Variants in CGNL1 observed in about 807,000 individuals in gnomAD.
CGNL1 encodes cingulin like 1.
A neutral mutation model predicts 141.2 loss-of-function variants in CGNL1; 132 were observed. The observed-to-expected ratio is 0.93, with a 90% CI of 0.81 to 1.08. The LOEUF (loss-of-function observed/expected upper bound fraction) is 1.08. CGNL1 is among the 50% of genes least tolerant of loss of function. The pLI, the probability that CGNL1 is intolerant of heterozygous loss-of-function variation, is 0.00. For missense variants in CGNL1, 1,870 were observed against 1,588.6 expected (o/e 1.18, Z -3.01); for synonymous variants, 690 against 622.1 (o/e 1.11, Z -1.63).
At chr15:57,484,559 T>G (rs2063764076) in intron 8 of CGNL1, among the ~76,000 whole-genome samples, 1 of 152,222 alleles carries the variant, frequency 6.6e-6, no homozygotes, top group African/African-American at 2.4e-5. Flanking sequence ...TTTTTATTTT[T>G]TATTTTACTT....
rs1183887046 is a variant in CGNL1 at position 57,461,814 on chromosome 15, T to TC, written c.2326dup (p.Gln776ProfsTer11). On this transcript the variant is annotated frameshift_variant, in exon 8 of 19. Transcript: ENST00000281282. LOFTEE classifies it high-confidence loss of function. ...TGAAAGAAGAGGTTTCCAGCCATGATCAGGAGATGGACAAGCTGAAGGAGC... is the reference window on the plus strand; with the variant it reads ...TGAAAGAAGAGGTTTCCAGCCATGATCCAGGAGATGGACAAGCTGAAGGAGC... The TC allele has an allele frequency of 6.2e-7, 1 of 1,614,032 alleles. No homozygotes were observed.
chr15:57,543,308 C>G (rs2032668853), intron 14 of CGNL1, among the ~76,000 whole-genome samples: 1 of 152,088 alleles, frequency 6.6e-6, no homozygotes, highest in Non-Finnish European at 1.5e-5. Context: ...TTAAAGGACA[C>G]CAGCCATACT....
chr15:57,459,271 A>C (rs973509943), intron 7 of CGNL1, among the ~76,000 whole-genome samples: 44 of 152,234 alleles, frequency 2.9e-4, no homozygotes, highest in African/African-American at 1.0e-3. Context: ...CTGAACAGAT[A>C]AGTGCTCCCA....
At chr15:57,404,401 T>C (rs1324820535) in intron 1 of CGNL1, among the ~76,000 whole-genome samples, 2 of 152,234 alleles carry the variant, frequency 1.3e-5, no homozygotes, top group African/African-American at 4.8e-5. Context: ...AAGAATGCAG[T>C]TCTAATAAAT....
chr15:57,397,930 G>A (rs1021696246), intron 1 of CGNL1, among the ~76,000 whole-genome samples: 2 of 151,888 alleles, frequency 1.3e-5, no homozygotes, highest in South Asian at 2.1e-4. Flanking sequence ...TTATAGGTGC[G>A]TGCCACCACA....
Position 57,442,539 on chromosome 15 carries a change from CT to C in CGNL1, c.1803+62del. 3 of 1,034,150 alleles carry C rather than the reference CT, an allele frequency of 2.9e-6. No homozygotes were observed. In the Admixed American group the frequency reaches 5.3e-5, roughly 18 times the overall value. 64.1% of individuals were successfully genotyped at this position (1,034,150 alleles called of 1,614,324 possible). A position where few individuals can be genotyped will look rare whatever the true frequency, so the allele number is the denominator to read the frequency against. ...AGCATGGAATGTGGTAAACAACTTGCTGTTTCTTCAGTCTGTATGTTTGTTT... is the reference window on the plus strand; with the variant it reads ...AGCATGGAATGTGGTAAACAACTTGCGTTTCTTCAGTCTGTATGTTTGTTT... On this transcript the variant is annotated intron_variant, in intron 4 of 18. Transcript: ENST00000281282.
chr15:57,453,615 G>A, intron 6 of CGNL1, 68 bp from the exon 7 acceptor site: 7 of 1,590,266 alleles, frequency 4.4e-6, no homozygotes, highest in South Asian at 1.1e-5. Flanking sequence ...CTGAAGATCA[G>A]AAATCAGACT....
At chr15:57,545,057 C>A (rs1045453325) in intron 16 of CGNL1, among the ~76,000 whole-genome samples, 1 of 152,150 alleles carries the variant, frequency 6.6e-6, no homozygotes, top group South Asian at 2.1e-4. Flanking sequence ...GACATGGGAT[C>A]AAGTGAGCAC....
At chr15:57,410,683 G>C (rs550988147) in intron 1 of CGNL1, among the ~76,000 whole-genome samples, 4 of 152,316 alleles carry the variant, frequency 2.6e-5, no homozygotes, top group Admixed American at 2.6e-4. Flanking sequence ...CACAATATCG[G>C]AGGCTATATT....
chr15:57,483,142 G>A (rs1048024602), intron 8 of CGNL1, among the ~76,000 whole-genome samples: 1 of 152,166 alleles, frequency 6.6e-6, no homozygotes, highest in African/African-American at 2.4e-5. Flanking sequence ...AAATTTTGCT[G>A]AAGTTTTGAT....
Position 57,378,530 on chromosome 15 carries a change from C to T in CGNL1, c.-16+1963C>T, listed in dbSNP as rs113382771. On this transcript the variant is annotated intron_variant, in intron 1 of 18. Transcript: ENST00000281282. ...CCAAGTAGCTGGGATTACAGGCACC[C>T]GCTACCATGCTCGGCTACTTTTTTG... Among the ~76,000 whole-genome samples the T allele has an allele frequency of 6.6e-3, 999 of 151,822 alleles. 11 individuals are homozygous for T. Among genetic ancestry groups the T allele is most frequent in the African/African-American group, 0.023 (957 of 41,386 alleles).
intron 1 of CGNL1, among the ~76,000 whole-genome samples, chr15:57,404,395 A>G (rs1341121079): frequency 6.6e-6 from 1 of 152,264 alleles, no homozygotes. Flanking sequence ...CAAGTGAAGA[A>G]TGCAGTTCTA....
At chr15:57,520,202 C>T (rs1276894035) in intron 10 of CGNL1, among the ~76,000 whole-genome samples, 1 of 152,196 alleles carries the variant, frequency 6.6e-6, no homozygotes, top group Non-Finnish European at 1.5e-5. Context: ...ATTATCTGGT[C>T]TTAAAAATAA....
chr15:57,501,685 G>C (rs1410489635), intron 8 of CGNL1, among the ~76,000 whole-genome samples: 1 of 152,206 alleles, frequency 6.6e-6, no homozygotes, highest in South Asian at 2.1e-4. Flanking sequence ...AAGGGATGGG[G>C]TTGGGGCAAG....
chr15:57,532,928 G>A (rs1468799171), intron 14 of CGNL1, among the ~76,000 whole-genome samples: 1 of 152,010 alleles, frequency 6.6e-6, no homozygotes, highest in Admixed American at 6.6e-5. Flanking sequence ...TATTCCAAAG[G>A]GCACTTTCCT....
chr15:57,385,730 C>A (rs1567086417), intron 1 of CGNL1, among the ~76,000 whole-genome samples: 1 of 152,198 alleles, frequency 6.6e-6, no homozygotes, highest in Admixed American at 6.5e-5. Context: ...CAAACAGGGT[C>A]CCCCCAACCT....
At chr15:57,476,639 G>A (rs1429115896) in intron 8 of CGNL1, among the ~76,000 whole-genome samples, 1 of 152,142 alleles carries the variant, frequency 6.6e-6, no homozygotes, top group Non-Finnish European at 1.5e-5. Flanking sequence ...ATGTGTTCAC[G>A]GTGACCACAC....
chr15:57,532,565 C>G (rs1317342122), intron 14 of CGNL1, among the ~76,000 whole-genome samples: 1 of 152,204 alleles, frequency 6.6e-6, no homozygotes, highest in Non-Finnish European at 1.5e-5. Flanking sequence ...GCATAACTCT[C>G]CCCGATTGTC....
At chr15:57,424,458 C>A (rs1293610232) in intron 1 of CGNL1, among the ~76,000 whole-genome samples, 4 of 152,122 alleles carry the variant, frequency 2.6e-5, no homozygotes, top group Non-Finnish European at 5.9e-5. Context: ...ACCTTGTCTC[C>A]CCATCTAACT....
Sources: gnomAD v4.1 joint callset for allele counts (sites outside exome capture counted in the v4.1 genomes callset) on GRCh38, gnomAD v4.1.1 for gene constraint, MANE v1.5 for transcripts, NCBI Gene and HGNC (gene_info 2026-07-23, HGNC 2026-07-21) for gene names.